KCNJ3: variants seen among roughly 807,000 people sequenced by gnomAD.
The protein encoded by KCNJ3 is potassium inwardly rectifying channel subfamily J member 3.
In KCNJ3, 4 loss-of-function variants were observed where a neutral mutation model predicts 39.2. The observed-to-expected ratio is 0.10, with a 90% CI of 0.05 to 0.23. The LOEUF is 0.23. Among genes scored for constraint, KCNJ3 ranks in the 10% least tolerant of loss-of-function variants. The pLI is 1.00. For synonymous variants in KCNJ3, 230 were observed against 237.4 expected (o/e 0.97, Z 0.29); for missense variants, 276 against 634.9 (o/e 0.43, Z 6.08).
At chr2:154,841,055 A>T (rs1377199196) in intron 2 of KCNJ3, among the ~76,000 whole-genome samples, 3 of 152,238 alleles carry the variant, frequency 2.0e-5, no homozygotes, top group African/African-American at 7.2e-5. Flanking sequence ...ATTTAGTATG[A>T]TATTGGCTGT....
At chr2:154,704,434 G>A (rs1305262364) in intron 1 of KCNJ3, among the ~76,000 whole-genome samples, 1 of 152,086 alleles carries the variant, frequency 6.6e-6, no homozygotes, top group Non-Finnish European at 1.5e-5. Context: ...TCATTTGAAT[G>A]GTATGAAAGC....
rs1029500822 is a variant in KCNJ3, at chr2:154,801,755, T to G, written c.920-52972T>G. On this transcript the variant is annotated intron_variant, in intron 2 of 2. Coordinates refer to ENST00000295101, the MANE Select transcript of KCNJ3 (RefSeq NM_002239.4). The stretch of plus-strand genomic sequence containing the variant: ...TGTTCTCCCACATGAGTCTCCCAAG[T>G]AGCTGACACTACAGGTGTGTGCCAC... 2.8e-4 allele frequency among the ~76,000 whole-genome samples: 42 copies of G among 152,028 alleles called. 1 individual carries two copies. The highest frequency in any genetic ancestry group is 1.5e-5 in the Non-Finnish European group (1 of 67,986).
At chr2:154,727,062 A>G (rs544294994) in intron 2 of KCNJ3, among the ~76,000 whole-genome samples, 5 of 152,238 alleles carry the variant, frequency 3.3e-5, no homozygotes, top group African/African-American at 9.6e-5. Context: ...ATTGGTTACA[A>G]TGTACACTGC....
chr2:154,790,188 G>T lies in KCNJ3; in HGVS notation c.920-64539G>T, dbSNP rs537625586. On this transcript the variant is annotated intron_variant, in intron 2 of 2. Transcript: ENST00000295101. ...CACAGTGTTCAAGACAGATTGACCA[G>T]ATTATTCAACGTAAAGCAGAGAACT... is the stretch of plus-strand genomic sequence containing the variant. Among the ~76,000 whole-genome samples the T allele has an allele frequency of 5.4e-4, 82 of 152,188 alleles. 1 individual carries two copies. The South Asian group carries it at 0.017, about 31-fold the overall frequency.
chr2:154,726,833 A>T (rs200604972), intron 2 of KCNJ3, among the ~76,000 whole-genome samples: 1 of 96,178 alleles, frequency 1.0e-5, no homozygotes. Context: ...ACACACACAC[A>T]CATACACCAT....
At chr2:154,747,483 G>A (rs1685767813) in intron 2 of KCNJ3, among the ~76,000 whole-genome samples, 1 of 151,812 alleles carries the variant, frequency 6.6e-6, no homozygotes, top group Non-Finnish European at 1.5e-5. Flanking sequence ...TTGTTAGTGT[G>A]GACCCATTAA....
At chr2:154,811,236 A>G (rs1394524642) in intron 2 of KCNJ3, among the ~76,000 whole-genome samples, 1 of 152,124 alleles carries the variant, frequency 6.6e-6, no homozygotes, top group Non-Finnish European at 1.5e-5. Context: ...CATGGCCGGA[A>G]GAGGGCTAGG....
intron 2 of KCNJ3, among the ~76,000 whole-genome samples, chr2:154,838,927 A>C (rs1423876177): frequency 6.7e-6 from 1 of 149,018 alleles, no homozygotes; most frequent in Non-Finnish European, 1.5e-5. Flanking sequence ...TCATTTTTTT[A>C]AGCTAGAAAT....
chr2:154,768,111 A>G (rs77069291), intron 2 of KCNJ3, among the ~76,000 whole-genome samples: 19,086 of 152,154 alleles, frequency 0.13, 2,097 homozygotes, highest in African/African-American at 0.29. Context: ...GGTAGATTGC[A>G]AAAATTTTCT....
At chr2:154,809,112 C>T (rs942464583) in intron 2 of KCNJ3, among the ~76,000 whole-genome samples, 4 of 152,102 alleles carry the variant, frequency 2.6e-5, no homozygotes, top group African/African-American at 7.2e-5. Context: ...TTCCTGACCC[C>T]TCCCCACCCC....
At chr2:154,738,955 T>C (rs1236953411) in intron 2 of KCNJ3, among the ~76,000 whole-genome samples, 1 of 152,066 alleles carries the variant, frequency 6.6e-6, no homozygotes, top group Non-Finnish European at 1.5e-5. Context: ...TTAGTAAGTA[T>C]CTTAGAAACC....
At chr2:154,825,580 ATTTATTAT>A (rs1558883824) in intron 2 of KCNJ3, among the ~76,000 whole-genome samples, 1 of 108,794 alleles carries the variant, frequency 9.2e-6, no homozygotes, top group Non-Finnish European at 2.2e-5. Context: ...TTATTTATTT[ATTTATTAT>A]TTTTTGAGAC....
chr2:154,853,925 C>A (rs995133926), intron 2 of KCNJ3, among the ~76,000 whole-genome samples: 1 of 152,154 alleles, frequency 6.6e-6, no homozygotes, highest in Admixed American at 6.6e-5. Context: ...GAACTTGATA[C>A]ATCACATGGC....
intron 2 of KCNJ3, among the ~76,000 whole-genome samples, chr2:154,843,386 A>G (rs1687612184): frequency 6.6e-6 from 1 of 151,922 alleles, no homozygotes; most frequent in Admixed American, 6.6e-5. Flanking sequence ...CCTTCATTTC[A>G]ACTTTGGTGA....
chr2:154,818,955 A>G (rs1487540943), intron 2 of KCNJ3, among the ~76,000 whole-genome samples: 1 of 72,172 alleles, frequency 1.4e-5, no homozygotes, highest in Non-Finnish European at 2.5e-5. Context: ...TTTTTTAATC[A>G]TCTTGTGAAA....
At chr2:154,777,007 A>C (rs1165964321) in intron 2 of KCNJ3, among the ~76,000 whole-genome samples, 4 of 151,754 alleles carry the variant, frequency 2.6e-5, no homozygotes, top group Non-Finnish European at 4.4e-5. Flanking sequence ...TAGTTTATCC[A>C]GAAGTCTCTC....
chr2:154,709,881 A>C (rs1685073474), intron 2 of KCNJ3, 62 bp downstream of exon 2: 1 of 1,562,642 alleles, frequency 6.4e-7, no homozygotes, highest in Non-Finnish European at 8.7e-7. Context: ...TATGATATGC[A>C]CAATACCTGT....
At chr2:154,828,389 C>A (rs1687305358) in intron 2 of KCNJ3, among the ~76,000 whole-genome samples, 1 of 152,112 alleles carries the variant, frequency 6.6e-6, no homozygotes, top group Non-Finnish European at 1.5e-5. Context: ...GGAAGGGAAG[C>A]GTGGAAGTTC....
chr2:154,707,602 GA>G (rs1685035694), intron 1 of KCNJ3, among the ~76,000 whole-genome samples: 1 of 152,062 alleles, frequency 6.6e-6, no homozygotes, highest in South Asian at 2.1e-4. Context: ...TAATACTTGG[GA>G]AAATATATCT....
Sources: gnomAD v4.1 joint callset for allele counts (sites outside exome capture counted in the v4.1 genomes callset) on GRCh38, gnomAD v4.1.1 for gene constraint, MANE v1.5 for transcripts, NCBI Gene and HGNC (gene_info 2026-07-23, HGNC 2026-07-21) for gene names.